The following CLVS2 variants were observed in gnomAD, a reference collection of about 807,000 sequenced individuals.
CLVS2 encodes the protein clavesin-2.
In CLVS2, 19 loss-of-function variants were observed where a neutral mutation model predicts 29.0. That is an observed-to-expected ratio of 0.66 (90% CI 0.46 to 0.96). The LOEUF (loss-of-function observed/expected upper bound fraction) is 0.96, where lower values mean the gene tolerates loss of function less well. Ranked by LOEUF, CLVS2 falls within the 40% of genes least tolerant of loss-of-function variation. The probability of loss-of-function intolerance (pLI) is 0.00; values close to 1 mark genes in which losing one functional copy is unlikely to be tolerated. For missense variants in CLVS2, 294 were observed against 404.1 expected, an observed-to-expected ratio of 0.73 and a Z score of 2.34; for synonymous variants, 161 against 151.3, an observed-to-expected ratio of 1.06 and a Z score of -0.47.
chr6:123,005,281 T>G (rs1024250154), intron 2 of CLVS2, among the ~76,000 whole-genome samples: 10 of 152,162 alleles, frequency 6.6e-5, no homozygotes, highest in African/African-American at 2.4e-4. Context: ...ATAAAACACC[T>G]AGAAGGCTTC....
intron 3 of CLVS2, among the ~76,000 whole-genome samples, chr6:123,033,391 C>T (rs9388172): frequency 0.39 from 59,722 of 151,636 alleles, 12,051 homozygotes; most frequent in South Asian, 0.48. Flanking sequence ...GAACAGAGGA[C>T]CCAGAAATAG....
chr6:123,048,072 G>A (rs955637890), intron 3 of CLVS2, among the ~76,000 whole-genome samples: 6 of 151,976 alleles, frequency 3.9e-5, no homozygotes, highest in African/African-American at 1.4e-4. Flanking sequence ...TTTTGCTTAA[G>A]CATGTTACTT....
At chr6:123,027,352 G>T (rs1444546405) in intron 3 of CLVS2, among the ~76,000 whole-genome samples, 1 of 152,148 alleles carries the variant, frequency 6.6e-6, no homozygotes, top group African/African-American at 2.4e-5. Context: ...GGAGTAAGAA[G>T]TTTAGAGACT....
chr6:123,024,327 T>C (rs1423263547), intron 3 of CLVS2, among the ~76,000 whole-genome samples: 2 of 152,166 alleles, frequency 1.3e-5, no homozygotes, highest in African/African-American at 4.8e-5. Context: ...ACACAAAACT[T>C]GAGATTTTCA....
At chr6:123,005,858 T>C (rs1183122652) in intron 2 of CLVS2, among the ~76,000 whole-genome samples, 1 of 152,204 alleles carries the variant, frequency 6.6e-6, no homozygotes, top group Non-Finnish European at 1.5e-5. Context: ...TATATTTAAA[T>C]GATGCCATTA....
intron 3 of CLVS2, among the ~76,000 whole-genome samples, chr6:123,023,310 T>C (rs1774951160): frequency 6.6e-6 from 1 of 152,070 alleles, no homozygotes; most frequent in Non-Finnish European, 1.5e-5. Context: ...TTTTCCTGCA[T>C]TGTCCCTGAA....
chr6:123,017,265 G>T (rs1217674429), intron 3 of CLVS2, among the ~76,000 whole-genome samples: 1 of 152,082 alleles, frequency 6.6e-6, no homozygotes, highest in African/African-American at 2.4e-5. Context: ...GGCTTAGAAT[G>T]CTTTAGACAA....
At chr6:123,041,343 A>G (rs1238892541) in intron 3 of CLVS2, among the ~76,000 whole-genome samples, 1 of 152,216 alleles carries the variant, frequency 6.6e-6, no homozygotes, top group Non-Finnish European at 1.5e-5. Context: ...TGTTCTCCCT[A>G]CAGTAAATGC....
chr6:123,030,783 G>T (rs1775072689), intron 3 of CLVS2, among the ~76,000 whole-genome samples: 1 of 149,666 alleles, frequency 6.7e-6, no homozygotes, highest in Middle Eastern at 3.3e-3. Flanking sequence ...TTGTTTGCTA[G>T]CATTAGGGCA....
In CLVS2 at chr6:123,011,012, C is replaced by T; in HGVS notation, c.417C>T (p.Ala139=). ...ACACACTGGTGGATATTTTGCGTGC[C>T]ATCTTACTTTCTTTAGAAGCCATGA... ...SRYTLVDILR[A]ILLSLEAMIE... The change falls in exon 3 of 6, where the codon GCC becomes GCT. Residue 139 remains alanine, a synonymous_variant. Transcript: ENST00000275162. The T allele has an allele frequency of 1.0e-5, 16 of 1,603,884 alleles. No individual in the cohort carries two copies. The highest frequency in any genetic ancestry group is 1.4e-5 in the Non-Finnish European group (16 of 1,174,604).
intron 3 of CLVS2, among the ~76,000 whole-genome samples, chr6:123,014,335 CT>C (rs11308809): frequency 0.73 from 110,972 of 151,680 alleles, 41,040 homozygotes; most frequent in East Asian, 0.91. Flanking sequence ...TGTTTCCTGA[CT>C]TTTTTTTTCT....
chr6:123,003,638 C>A lies in CLVS2; in HGVS notation c.389+5472C>A, dbSNP rs548312697. ...ATAGCATTTTAGTAGGTACTGGGGG[C>A]AAATAAAGACACATACTTTGTACTT... is the stretch of plus-strand genomic sequence containing the variant. On this transcript the variant is annotated intron_variant, in intron 2 of 5. Coordinates refer to ENST00000275162, the MANE Select transcript of CLVS2 (RefSeq NM_001010852.4). 7.6e-4 allele frequency among the ~76,000 whole-genome samples: 115 copies of A among 152,030 alleles called. 1 individual carries two copies. Among genetic ancestry groups the A allele is most frequent in the Non-Finnish European group, 1.5e-3 (105 of 68,006 alleles).
intron 3 of CLVS2, among the ~76,000 whole-genome samples, chr6:123,031,641 C>A (rs976691620): frequency 6.6e-6 from 1 of 152,092 alleles, no homozygotes; most frequent in Non-Finnish European, 1.5e-5. Flanking sequence ...TAAATAGATA[C>A]AATTTGTATT....
chr6:123,026,440 T>G (rs1775002397), intron 3 of CLVS2, among the ~76,000 whole-genome samples: 1 of 152,176 alleles, frequency 6.6e-6, no homozygotes. Flanking sequence ...GGTTAGTCTC[T>G]ATTTCAAAAA....
At chr6:123,043,930 T>G (rs1775270700) in intron 3 of CLVS2, among the ~76,000 whole-genome samples, 1 of 152,204 alleles carries the variant, frequency 6.6e-6, no homozygotes, top group South Asian at 2.1e-4. Flanking sequence ...ATGTTTTTGC[T>G]AGAAATATAT....
rs1562177456 is a variant in CLVS2 at position 123,063,802 on chromosome 6, T to C, written c.*41T>C. The C allele has an allele frequency of 7.1e-7, 1 of 1,405,306 alleles. No homozygotes were observed. Among genetic ancestry groups the C allele is most frequent in the Non-Finnish European group, 1.0e-6 (1 of 992,750 alleles). The allele number at this position is 1,405,306 out of a possible 1,614,324, so 87.1% of individuals were successfully genotyped here. A position where few individuals can be genotyped will look rare whatever the true frequency, so the allele number is the denominator to read the frequency against. ...CCCTTCATGGATTAGAAATGGAAAG[T>C]ATTGGTTTTCAGCAACAGGGACAAC... On this transcript the variant is annotated 3_prime_UTR_variant, in exon 6 of 6. Coordinates refer to ENST00000275162, the MANE Select transcript of CLVS2 (RefSeq NM_001010852.4).
chr6:123,037,570 C>T (rs976908059), intron 3 of CLVS2, among the ~76,000 whole-genome samples: 6 of 152,046 alleles, frequency 3.9e-5, no homozygotes, highest in Admixed American at 6.6e-5. Context: ...ACACCTATGA[C>T]CCTTATTCCA....
chr6:123,046,503 T>C (rs1460772306), intron 3 of CLVS2, among the ~76,000 whole-genome samples: 2 of 151,810 alleles, frequency 1.3e-5, no homozygotes, highest in Non-Finnish European at 2.9e-5. Flanking sequence ...CCACTAAAAA[T>C]ACAAAATTAG....
intron 3 of CLVS2, among the ~76,000 whole-genome samples, chr6:123,022,845 A>G (rs4329138): frequency 0.74 from 112,611 of 151,856 alleles, 42,242 homozygotes; most frequent in East Asian, 0.92. Context: ...GATGACTAAG[A>G]GAAAGCACAT....
Sources: gnomAD v4.1 joint callset for allele counts (sites outside exome capture counted in the v4.1 genomes callset) on GRCh38, gnomAD v4.1.1 for gene constraint, MANE v1.5 for transcripts, NCBI Gene and HGNC (gene_info 2026-07-23, HGNC 2026-07-21) for gene names.